The following PHLDB3 variants were observed in gnomAD, a reference collection of about 807,000 sequenced individuals.
The protein encoded by PHLDB3 is pleckstrin homology like domain family B member 3.
A neutral mutation model predicts 85.7 loss-of-function variants in PHLDB3; 86 were observed. The observed-to-expected ratio is 1.00, with a 90% CI of 0.84 to 1.20. The LOEUF (loss-of-function observed/expected upper bound fraction) is 1.20, where lower values mean the gene tolerates loss of function less well. Among genes scored for constraint, PHLDB3 ranks in the 50% most tolerant of loss-of-function variants. The pLI is 0.00. For missense variants in PHLDB3, 995 were observed against 873.0 expected (o/e 1.14, Z -1.76); for synonymous variants, 376 against 349.8 (o/e 1.07, Z -0.83).
Position 43,485,843 on chromosome 19 carries a change from C to T in PHLDB3, c.1485+423G>A, listed in dbSNP as rs1024884437. On this transcript the variant is annotated intron_variant, in intron 13 of 15. Transcript: ENST00000292140. ...GGATTACAGGCATGAGCCACTGCAC[C>T]CAGCCAAAAACAAAATTTTAAATGA... 13 of 612,676 alleles carry T rather than the reference C, an allele frequency of 2.1e-5. 1 individual carries two copies. The South Asian group carries it at 9.4e-4, about 44-fold the overall frequency. 38.0% of individuals were successfully genotyped at this position (612,676 alleles called of 1,614,324 possible).
intron 9 of PHLDB3, among the ~76,000 whole-genome samples, chr19:43,488,222 G>T (rs1476498668): frequency 2.0e-5 from 3 of 151,958 alleles, no homozygotes; most frequent in Non-Finnish European, 2.9e-5. Flanking sequence ...CTTTGAGGCT[G>T]AGGCAGGCAA....
rs2682546 is a variant in PHLDB3 at position 43,496,658 on chromosome 19, A to G, written c.825+460T>C. The G allele has an allele frequency of 2.4e-3, 401 of 168,806 alleles. 1 individual carries two copies. The highest frequency in any genetic ancestry group is 3.3e-3 in the Non-Finnish European group (262 of 79,418). The allele number at this position is 168,806 out of a possible 1,614,324, so 10.5% of individuals were successfully genotyped here. A position where few individuals can be genotyped will look rare whatever the true frequency, so the allele number is the denominator to read the frequency against. On this transcript the variant is annotated intron_variant, in intron 6 of 15. Transcript: ENST00000292140. ...TGTAGGGGCTCGCACCTGTGGTCCCAGCTACTCGAGAGGCTGAGGTGGGAG... is the reference window on the plus strand; with the variant it reads ...TGTAGGGGCTCGCACCTGTGGTCCCGGCTACTCGAGAGGCTGAGGTGGGAG...
intron 13 of PHLDB3, among the ~76,000 whole-genome samples, chr19:43,479,885 C>T (rs1020563014): frequency 1.3e-5 from 2 of 152,032 alleles, no homozygotes; most frequent in African/African-American, 4.8e-5. Flanking sequence ...CCCGAGGTCA[C>T]ACAGAGCTTC....
chr19:43,502,286 G>A lies in PHLDB3; in HGVS notation c.214-3C>T. 6.4e-7 allele frequency: 1 copy of A among 1,552,294 alleles called. No individual in the cohort carries two copies. On this transcript the variant is annotated splice_region_variant and splice_polypyrimidine_tract_variant and intron_variant, in intron 2 of 15. Transcript: ENST00000292140. Reference sequence around the variant, plus strand: ...GCTATCGGAGGCGTAGCCTCGGGCTGAAGTTGAGGGGGGCGTGGTTAAGTG... The same window carrying A: ...GCTATCGGAGGCGTAGCCTCGGGCTAAAGTTGAGGGGGGCGTGGTTAAGTG...
At chr19:43,480,289 AAAAG>A (rs1971017961) in intron 13 of PHLDB3, among the ~76,000 whole-genome samples, 1 of 149,884 alleles carries the variant, frequency 6.7e-6, no homozygotes, top group South Asian at 2.1e-4. Context: ...AAAAAAAAAA[AAAAG>A]GAGAGAGAGA....
At chr19:43,487,878 G>A (rs999971680) in intron 9 of PHLDB3, among the ~76,000 whole-genome samples, 2 of 152,126 alleles carry the variant, frequency 1.3e-5, no homozygotes, top group Non-Finnish European at 2.9e-5. Flanking sequence ...TGTGGGCCAG[G>A]TGTGGTGGCT....
At chr19:43,489,153 C>G (rs1971253648) in intron 9 of PHLDB3, among the ~76,000 whole-genome samples, 1 of 151,946 alleles carries the variant, frequency 6.6e-6, no homozygotes, top group Admixed American at 6.6e-5. Context: ...ATCCTACATC[C>G]AGGTAGAACA....
rs766082834 is a variant in PHLDB3 at position 43,495,329 on chromosome 19, C to T, written c.962G>A (p.Arg321Gln). The T allele has an allele frequency of 1.1e-5, 17 of 1,613,390 alleles. No individual in the cohort carries two copies. Among genetic ancestry groups the T allele is most frequent in the Non-Finnish European group, 1.1e-5 (13 of 1,179,642 alleles). Residue 321 changes from arginine (R) to glutamine (Q), a missense_variant, in exon 8 of 16, where the codon CGG becomes CAG. Coordinates refer to ENST00000292140, the MANE Select transcript of PHLDB3 (RefSeq NM_198850.4). The part of the protein sequence containing the change: ...ALQALSQERS[R>Q]LLELNCLQGT... ...CTGAAGGCAATTGAGCTCGAGCAGCCGGCTCCGTTCCTACCAGAAGATATG... is the reference window on the plus strand; with the variant it reads ...CTGAAGGCAATTGAGCTCGAGCAGCTGGCTCCGTTCCTACCAGAAGATATG...
rs751834049 is a variant in PHLDB3, at chr19:43,475,502, G to T, written c.1831C>A (p.Arg611Ser). The part of the protein sequence containing the change: ...RLTFCVKTYE[R>S]LFYMVAPSPE... ...CTCGGAGCCACCATGTAGAAAAGGC[G>T]TTCGTAGGTTTTGACGCAGAAGGTC... The change falls in exon 16 of 16, where the codon CGC becomes AGC. Residue 611 changes from arginine to serine, a missense_variant. Arg to Ser is a moderately radical substitution (Grantham distance 110). Transcript: ENST00000292140. 1 of 1,614,008 alleles carries T rather than the reference G, an allele frequency of 6.2e-7. No individual in the cohort carries two copies. The highest frequency in any genetic ancestry group is 8.5e-7 in the Non-Finnish European group (1 of 1,179,894).
intron 6 of PHLDB3, 148 bp downstream of exon 6, chr19:43,496,970 A>G: frequency 8.7e-7 from 1 of 1,148,840 alleles, no homozygotes; most frequent in Admixed American, 3.9e-5. Context: ...TCTGGCACAT[A>G]GTAAATGTTT....
chr19:43,486,259 GACT>G lies in PHLDB3; in HGVS notation c.1485+4_1485+6del. On this transcript the variant is annotated splice_donor_5th_base_variant and intron_variant, in intron 13 of 15. Transcript: ENST00000292140. ...GAGGTGGGCGTGAGGGCGGGGGTGG[GACT>G]GACCGTGATGGCAGGAACAGCAGGG... 1 of 665,632 alleles carries G rather than the reference GACT, an allele frequency of 1.5e-6. No individual in the cohort carries two copies. The highest frequency in any genetic ancestry group is 2.6e-6 in the Non-Finnish European group (1 of 380,174). The allele number at this position is 665,632 out of a possible 1,614,324, so 41.2% of individuals were successfully genotyped here. A position where few individuals can be genotyped will look rare whatever the true frequency, so the allele number is the denominator to read the frequency against.
chr19:43,485,946 G>C, intron 13 of PHLDB3: 1 of 982,312 alleles, frequency 1.0e-6, no homozygotes, highest in South Asian at 4.7e-5. Context: ...GAGGCAGGAG[G>C]ATTGCTTGAG....
chr19:43,486,827 G>A lies in PHLDB3; in HGVS notation c.1293C>T (p.Ser431=), dbSNP rs763059654. 2.6e-5 allele frequency: 42 copies of A among 1,585,128 alleles called. No individual in the cohort carries two copies. Among genetic ancestry groups the A allele is most frequent in the South Asian group, 2.3e-5 (2 of 86,152 alleles). ...GCAGCTGGTAGAGGGGGTATCTGCC[G>A]GAGTCCCCCACTGCTGGCGGGAGAG... ...ASALPPAVGD[S]GRYPLYQLLN... is the part of the protein sequence containing the mutation. Residue 431 remains serine, a synonymous_variant, in exon 11 of 16, where the codon TCC becomes TCT. Transcript: ENST00000292140.
In PHLDB3 at chr19:43,475,163, C is replaced by T; in HGVS notation, c.*247G>A. 2.1e-6 allele frequency: 1 copy of T among 483,438 alleles called. No individual in the cohort carries two copies. Among genetic ancestry groups the T allele is most frequent in the Non-Finnish European group, 3.7e-6 (1 of 269,336 alleles). The allele number at this position is 483,438 out of a possible 1,614,324, so 29.9% of individuals were successfully genotyped here. A position where few individuals can be genotyped will look rare whatever the true frequency, so the allele number is the denominator to read the frequency against. On this transcript the variant is annotated 3_prime_UTR_variant, in exon 16 of 16. Coordinates refer to ENST00000292140, the MANE Select transcript of PHLDB3 (RefSeq NM_198850.4). ...AGGAGCACCAATAAATAGTTTCTTCCCGCCCCTGCAATCTTCCTCCTGCCC... is the reference window on the plus strand; with the variant it reads ...AGGAGCACCAATAAATAGTTTCTTCTCGCCCCTGCAATCTTCCTCCTGCCC...
Position 43,503,891 on chromosome 19 carries a change from C to G in PHLDB3, c.213+15G>C, listed in dbSNP as rs372281313. 7 of 1,613,568 alleles carry G rather than the reference C, an allele frequency of 4.3e-6. No homozygotes were observed. The highest frequency in any genetic ancestry group is 5.9e-6 in the Non-Finnish European group (7 of 1,179,748). On this transcript the variant is annotated intron_variant, in intron 2 of 15. Coordinates refer to ENST00000292140, the MANE Select transcript of PHLDB3 (RefSeq NM_198850.4). ...CGGTCCAAGCCCCCCGCGCTGTCGC[C>G]CTCGGGCCCCTCACCGCGTCGCGGC...
At chr19:43,500,909 A>ACCCCCCCCCCC (rs1248570317) in intron 4 of PHLDB3, among the ~76,000 whole-genome samples, 6 of 17,168 alleles carry the variant, frequency 3.5e-4, no homozygotes, top group South Asian at 3.0e-3. Context: ...CGCCCCCCGT[A>ACCCCCCCCCCC]CCCCCCCCCC....
Position 43,475,189 on chromosome 19 carries a change from C to A in PHLDB3, c.*221G>T. The A allele has an allele frequency of 3.6e-6, 2 of 551,616 alleles. No individual in the cohort carries two copies. Among genetic ancestry groups the A allele is most frequent in the South Asian group, 2.4e-5 (1 of 41,806 alleles). The allele number at this position is 551,616 out of a possible 1,614,324, so 34.2% of individuals were successfully genotyped here. On this transcript the variant is annotated 3_prime_UTR_variant, in exon 16 of 16. Coordinates refer to ENST00000292140, the MANE Select transcript of PHLDB3 (RefSeq NM_198850.4). ...CGCCCCTGCAATCTTCCTCCTGCCC[C>A]GGGCAGGGCCTTAGGGGCCGGCGAT...
At position 43,500,710 on chromosome 19, in the gene PHLDB3, C is replaced by T. The variant is rs553631765; in HGVS notation, c.534+1024G>A. 5.9e-5 allele frequency among the ~76,000 whole-genome samples: 9 copies of T among 152,294 alleles called. No individual in the cohort carries two copies. The South Asian group carries it at 1.9e-3, about 32-fold the overall frequency. On this transcript the variant is annotated intron_variant, in intron 4 of 15. Coordinates refer to ENST00000292140, the MANE Select transcript of PHLDB3 (RefSeq NM_198850.4). ...GGAGTGCAATGTTATAATCACAGCTCACTGCAGCCTCTACCTTCTGGGCTC... is the reference window on the plus strand; with the variant it reads ...GGAGTGCAATGTTATAATCACAGCTTACTGCAGCCTCTACCTTCTGGGCTC...
chr19:43,480,744 T>C (rs1005906968), intron 13 of PHLDB3, among the ~76,000 whole-genome samples: 1 of 152,186 alleles, frequency 6.6e-6, no homozygotes, highest in Non-Finnish European at 1.5e-5. Flanking sequence ...GTTTCACAGA[T>C]GTGGAAACCA....
Sources: gnomAD v4.1 joint callset for allele counts (sites outside exome capture counted in the v4.1 genomes callset) on GRCh38, gnomAD v4.1.1 for gene constraint, MANE v1.5 for transcripts, NCBI Gene and HGNC (gene_info 2026-07-23, HGNC 2026-07-21) for gene names.